The following DNAH17 variants were observed in gnomAD, a reference collection of about 807,000 sequenced individuals.
DNAH17 encodes axonemal beta dynein heavy chain 17.
In DNAH17, 376 loss-of-function variants were observed where a neutral mutation model predicts 485.6. The observed-to-expected ratio is 0.77, with a 90% CI of 0.71 to 0.84. The LOEUF is 0.84. Among genes scored for constraint, DNAH17 ranks in the 40% least tolerant of loss-of-function variants. The probability of loss-of-function intolerance (pLI) is 0.00; values close to 1 mark genes in which losing one functional copy is unlikely to be tolerated. For synonymous variants in DNAH17, 3,031 were observed against 2,405.9 expected (o/e 1.26, Z -7.60); for missense variants, 6,370 against 5,839.3 (o/e 1.09, Z -2.96).
chr17:78,546,177 G>C (rs1232799448), intron 16 of DNAH17, among the ~76,000 whole-genome samples: 1 of 152,126 alleles, frequency 6.6e-6, no homozygotes, highest in African/African-American at 2.4e-5. Context: ...ACTCCTGCTT[G>C]GGCTTCCCAA....
chr17:78,570,856 CAAAAAAAAAAAAA>C, intron 6 of DNAH17, 79 bp downstream of exon 6: 2 of 292,142 alleles, frequency 6.8e-6, no homozygotes, highest in South Asian at 2.9e-5. Flanking sequence ...GACTCCCTCT[CAAAAAAAAAAAAA>C]AAAAAAAAAG....
intron 18 of DNAH17, among the ~76,000 whole-genome samples, chr17:78,539,249 A>G (rs1289555800): frequency 6.6e-6 from 1 of 152,164 alleles, no homozygotes; most frequent in Non-Finnish European, 1.5e-5. Flanking sequence ...AAAAAATAAA[A>G]TAAAAAGAAG....
intron 54 of DNAH17, among the ~76,000 whole-genome samples, chr17:78,470,904 G>T (rs2088717884): frequency 2.0e-5 from 3 of 152,140 alleles, no homozygotes; most frequent in African/African-American, 7.2e-5. Flanking sequence ...TGGTTTCATA[G>T]GAATTTTGCA....
chr17:78,530,149 G>A lies in DNAH17; in HGVS notation c.3284+194C>T, dbSNP rs1384048642. Among the ~76,000 whole-genome samples the A allele has an allele frequency of 2.0e-5, 3 of 152,246 alleles. No homozygotes were observed. The East Asian group carries it at 5.8e-4, about 29-fold the overall frequency. On this transcript the variant is annotated intron_variant, in intron 21 of 80. Transcript: ENST00000389840. ...TGCTCGGTACACCGGGTTTGGAGAA[G>A]GGATAATGTTTGCTCGCAGCCCGGT...
intron 62 of DNAH17, among the ~76,000 whole-genome samples, chr17:78,456,789 G>C (rs1477721289): frequency 6.6e-6 from 1 of 152,196 alleles, no homozygotes; most frequent in South Asian, 2.1e-4. Context: ...TGGCAGGTGA[G>C]GTTAAATCCC....
intron 18 of DNAH17, among the ~76,000 whole-genome samples, chr17:78,537,766 C>A (rs1285111063): frequency 6.6e-6 from 1 of 152,240 alleles, no homozygotes; most frequent in Non-Finnish European, 1.5e-5. Context: ...CTGCTACTTG[C>A]CAGCTCTGAG....
chr17:78,463,502 G>A (rs1375461238), intron 56 of DNAH17, among the ~76,000 whole-genome samples: 3 of 151,890 alleles, frequency 2.0e-5, no homozygotes, highest in East Asian at 1.9e-4. Context: ...ATATACACGT[G>A]CATATGCATT....
At chr17:78,475,871 T>G (rs749817383) in intron 52 of DNAH17, 38 bp from the exon 53 acceptor site, 3 of 1,602,928 alleles carry the variant, frequency 1.9e-6, no homozygotes, top group South Asian at 1.1e-5. Context: ...TTCCGGTTTT[T>G]GCCACCATGA....
rs376479673 is a variant in DNAH17, at chr17:78,530,504, G to A, written c.3123C>T (p.Ser1041=). The change falls in exon 21 of 81, where the codon TCC becomes TCT. Residue 1041 remains serine (S), a synonymous_variant. Transcript: ENST00000389840. ...TLAQFQEQID[S]YEKLYEEVSK... Reference sequence around the variant, plus strand: ...ACACCTCCTCATACAGCTTCTCGTAGGAGTCGATCTGGAAAACACGGCCAC... The same window carrying A: ...ACACCTCCTCATACAGCTTCTCGTAAGAGTCGATCTGGAAAACACGGCCAC... 3.7e-6 allele frequency: 6 copies of A among 1,603,700 alleles called. No individual in the cohort carries two copies. In the African/African-American group the frequency reaches 5.4e-5, roughly 14 times the overall value.
At position 78,561,909 on chromosome 17, in the gene DNAH17, G is replaced by A. The variant is rs536181650; in HGVS notation, c.1641C>T (p.Val547=). The change falls in exon 12 of 81, where the codon GTC becomes GTT. Residue 547 remains valine, a synonymous_variant. Transcript: ENST00000389840. ...ILAEVAPRYS[V]MLELFDAELD... is the part of the protein sequence containing the mutation. ...GCTCAGCGTCAAACAGCTCCAGCAT[G>A]ACTGAATACCTGGGCGCCACCTCGG... 116 of 1,613,726 alleles carry A rather than the reference G, an allele frequency of 7.2e-5. 2 individuals carry two copies. The South Asian group carries it at 1.2e-3, about 17-fold the overall frequency.
chr17:78,566,753 ACCT>A, intron 10 of DNAH17, 23 bp from the exon 11 acceptor site: 3 of 1,557,382 alleles, frequency 1.9e-6, no homozygotes, highest in Non-Finnish European at 2.6e-6. Flanking sequence ...GGAAATGTCA[ACCT>A]TGTAATCAGC....
At chr17:78,548,686 A>G (rs1223141773) in intron 16 of DNAH17, among the ~76,000 whole-genome samples, 1 of 152,234 alleles carries the variant, frequency 6.6e-6, no homozygotes, top group African/African-American at 2.4e-5. Context: ...GCACAGCCTG[A>G]GAATGTACAA....
Position 78,495,147 on chromosome 17 carries a change from C to T in DNAH17, c.5904-50G>A, listed in dbSNP as rs556182240. The T allele has an allele frequency of 2.1e-4, 323 of 1,530,846 alleles. 1 individual carries two copies. The African/African-American group carries it at 3.7e-3, about 18-fold the overall frequency. 94.8% of individuals were successfully genotyped at this position (1,530,846 alleles called of 1,614,324 possible). On this transcript the variant is annotated intron_variant, in intron 38 of 80. Coordinates refer to ENST00000389840, the MANE Select transcript of DNAH17 (RefSeq NM_173628.4). ...GGCTTCTGCCCACTCCCTCCCCAAC[C>T]TACACCCCTGCCTGTCCCTCTTCAC... is the stretch of plus-strand genomic sequence containing the variant.
Position 78,501,881 on chromosome 17 carries a change from G to A in DNAH17, c.5191-8C>T, listed in dbSNP as rs1375424690. 1 of 1,613,928 alleles carries A rather than the reference G, an allele frequency of 6.2e-7. No homozygotes were observed. Among genetic ancestry groups the A allele is most frequent in the East Asian group, 2.2e-5 (1 of 44,890 alleles). ...TACGTTCAGCTGGCTAATCTGCGGG[G>A]GAGAGTGCCTTCGATGAGACACCAC... is the stretch of plus-strand genomic sequence containing the variant. On this transcript the variant is annotated splice_region_variant and splice_polypyrimidine_tract_variant and intron_variant, in intron 33 of 80. Transcript: ENST00000389840.
chr17:78,436,046 G>A (rs2086841415), intron 74 of DNAH17, among the ~76,000 whole-genome samples: 1 of 152,180 alleles, frequency 6.6e-6, no homozygotes, highest in Admixed American at 6.5e-5. Flanking sequence ...CATATAAGTA[G>A]TTTTTAAAAA....
chr17:78,537,558 C>T, intron 18 of DNAH17, 77 bp from the exon 19 acceptor site: 2 of 1,478,988 alleles, frequency 1.4e-6, no homozygotes, highest in Non-Finnish European at 1.9e-6. Context: ...TGATCATCCA[C>T]TCCGTACCAT....
intron 26 of DNAH17, among the ~76,000 whole-genome samples, 168 bp downstream of exon 26, chr17:78,514,606 A>G (rs2090729630): frequency 6.6e-6 from 1 of 152,018 alleles, no homozygotes; most frequent in Non-Finnish European, 1.5e-5. Flanking sequence ...ACCAGCGTGG[A>G]GCCCAGTGTG....
At position 78,507,384 on chromosome 17, in the gene DNAH17, G is replaced by C. The variant is rs1275472316; in HGVS notation, c.4585-15C>G. On this transcript the variant is annotated splice_polypyrimidine_tract_variant and intron_variant, in intron 28 of 80. Transcript: ENST00000389840. ...TCCATCAAGGCCTGGGAAGAGAAGG[G>C]GATCGCCAAGGCATTAGGGATCGCC... 1.2e-6 allele frequency: 2 copies of C among 1,613,956 alleles called. No individual in the cohort carries two copies. Among genetic ancestry groups the C allele is most frequent in the Non-Finnish European group, 8.5e-7 (1 of 1,179,858 alleles).
intron 44 of DNAH17, among the ~76,000 whole-genome samples, chr17:78,488,785 C>CA (rs377451150): frequency 2.6e-5 from 4 of 152,210 alleles, no homozygotes; most frequent in African/African-American, 9.6e-5. Context: ...TCCTTATAAG[C>CA]AAATGGGAAA....
Sources: allele counts gnomAD v4.1 joint callset (sites outside exome capture counted in the v4.1 genomes callset), GRCh38; gene constraint gnomAD v4.1.1; transcripts MANE v1.5; gene names NCBI Gene and HGNC (gene_info 2026-07-23, HGNC 2026-07-21).